The following KIF6 variants were observed in gnomAD, a reference collection of about 807,000 sequenced individuals.
The protein encoded by KIF6 is kinesin-like protein KIF6.
In KIF6, 106 loss-of-function variants were observed where a neutral mutation model predicts 112.7. The ratio of observed to expected loss-of-function variants is 0.94; its 90% CI spans 0.80 to 1.11. The LOEUF is 1.11. Among genes scored for constraint, KIF6 ranks in the 50% least tolerant of loss-of-function variants. The pLI, the probability that KIF6 is intolerant of heterozygous loss-of-function variation, is 0.00. For missense variants in KIF6, 929 were observed against 964.0 expected (o/e 0.96, Z 0.48); for synonymous variants, 339 against 339.9 (o/e 1.00, Z 0.03).
At chr6:39,670,305 G>A (rs1305631182) in intron 3 of KIF6, among the ~76,000 whole-genome samples, 1 of 152,174 alleles carries the variant, frequency 6.6e-6, no homozygotes, top group African/African-American at 2.4e-5. Context: ...ATCCTTGAAT[G>A]ATGCAGTCAA....
chr6:39,609,264 C>A (rs899047838), intron 6 of KIF6, among the ~76,000 whole-genome samples: 2 of 152,142 alleles, frequency 1.3e-5, no homozygotes, highest in African/African-American at 4.8e-5. Context: ...GGAAAGAAAG[C>A]AAGCTGCCCA....
chr6:39,400,767 C>A (rs567307776), intron 15 of KIF6, among the ~76,000 whole-genome samples: 64 of 152,190 alleles, frequency 4.2e-4, no homozygotes, highest in Non-Finnish European at 7.1e-4. Flanking sequence ...TATTTGTAAT[C>A]TTTTCTCTTT....
At chr6:39,498,736 T>C (rs547620187) in intron 13 of KIF6, among the ~76,000 whole-genome samples, 28 of 152,282 alleles carry the variant, frequency 1.8e-4, no homozygotes, top group African/African-American at 6.3e-4. Flanking sequence ...TAAATATTTT[T>C]AAATAAAATT....
rs1384168370 is a variant in KIF6, at chr6:39,481,210, T to G, written c.1646-50049A>C. Among the ~76,000 whole-genome samples, 11 of 152,160 alleles carry G rather than the reference T, an allele frequency of 7.2e-5. 1 individual carries two copies. The highest frequency in any genetic ancestry group is 1.5e-4 in the Non-Finnish European group (10 of 68,016). ...AGGTTGTATAAAGAAGCTCCAGAAG[T>G]ATACACAAGGAAATAATGAATGTGT... On this transcript the variant is annotated intron_variant, in intron 13 of 22. Coordinates refer to ENST00000287152, the MANE Select transcript of KIF6 (RefSeq NM_145027.6).
intron 22 of KIF6, among the ~76,000 whole-genome samples, chr6:39,340,077 C>A (rs1304394465): frequency 1.3e-5 from 2 of 152,210 alleles, no homozygotes; most frequent in African/African-American, 4.8e-5. Flanking sequence ...ATATTAAGTG[C>A]CACATGGTGG....
chr6:39,510,615 C>A (rs7754249), intron 13 of KIF6, among the ~76,000 whole-genome samples: 33,284 of 151,916 alleles, frequency 0.22, 4,366 homozygotes, highest in African/African-American at 0.35. Flanking sequence ...AGATCATCGA[C>A]GCTATGAAGA....
chr6:39,391,198 C>T (rs1017353437), intron 15 of KIF6, among the ~76,000 whole-genome samples: 5 of 152,064 alleles, frequency 3.3e-5, no homozygotes, highest in South Asian at 2.1e-4. Context: ...AGAAGTAGGA[C>T]GGAAATGCAA....
At position 39,591,841 on chromosome 6, in the gene KIF6, G is replaced by C. The variant is rs576532746; in HGVS notation, c.846+4213C>G. ...AAAACCTGACTTTTTGGCCAGGAGC[G>C]GTGGCTCACACCTGTAATCCCAGCA... On this transcript the variant is annotated intron_variant, in intron 7 of 22. Coordinates refer to ENST00000287152, the MANE Select transcript of KIF6 (RefSeq NM_145027.6). 2.0e-5 allele frequency among the ~76,000 whole-genome samples: 3 copies of C among 152,248 alleles called. No individual in the cohort carries two copies. The South Asian group carries it at 6.2e-4, about 32-fold the overall frequency.
chr6:39,374,559 G>A (rs1050961199), intron 16 of KIF6, among the ~76,000 whole-genome samples: 2 of 152,150 alleles, frequency 1.3e-5, no homozygotes, highest in East Asian at 3.9e-4. Flanking sequence ...TAAAAAAATG[G>A]GCAAAGGACC....
At chr6:39,655,697 C>T (rs1360719628) in intron 3 of KIF6, among the ~76,000 whole-genome samples, 1 of 152,092 alleles carries the variant, frequency 6.6e-6, no homozygotes, top group African/African-American at 2.4e-5. Flanking sequence ...ATTTTAAATG[C>T]CACTTATATC....
intron 9 of KIF6, chr6:39,583,304 C>A: frequency 2.3e-6 from 1 of 441,730 alleles, no homozygotes. Context: ...GGGACAGCAA[C>A]AAAATCCACC....
intron 13 of KIF6, among the ~76,000 whole-genome samples, chr6:39,457,096 C>T (rs1258429916): frequency 3.7e-4 from 55 of 147,876 alleles, no homozygotes; most frequent in African/African-American, 1.3e-3. Flanking sequence ...CACACCTATT[C>T]CAAAATTGAC....
At chr6:39,514,426 G>A (rs1776949526) in intron 13 of KIF6, among the ~76,000 whole-genome samples, 1 of 152,180 alleles carries the variant, frequency 6.6e-6, no homozygotes, top group South Asian at 2.1e-4. Context: ...GCAGAAAGGA[G>A]GACATGTGAG....
intron 15 of KIF6, among the ~76,000 whole-genome samples, chr6:39,406,399 T>C (rs1769092711): frequency 6.6e-6 from 1 of 152,246 alleles, no homozygotes; most frequent in Admixed American, 6.5e-5. Flanking sequence ...TATTGATCTT[T>C]TCAAAGAACC....
At chr6:39,721,632 G>A (rs368606387) in intron 1 of KIF6, among the ~76,000 whole-genome samples, 139 of 152,204 alleles carry the variant, frequency 9.1e-4, no homozygotes, top group African/African-American at 2.8e-3. Flanking sequence ...CCAACACTGA[G>A]CTCAATTTAC....
intron 3 of KIF6, among the ~76,000 whole-genome samples, chr6:39,713,019 G>A (rs1051360891): frequency 3.9e-5 from 6 of 152,168 alleles, no homozygotes; most frequent in Non-Finnish European, 7.4e-5. Context: ...GAAGGGTAAC[G>A]GAGGTGCAAT....
chr6:39,461,469 A>G (rs1200966850), intron 13 of KIF6, among the ~76,000 whole-genome samples: 1 of 152,222 alleles, frequency 6.6e-6, no homozygotes, highest in Non-Finnish European at 1.5e-5. Context: ...TAGATTTTCT[A>G]GTAATTTTTA....
At chr6:39,567,085 GT>G (rs912781838) in intron 10 of KIF6, among the ~76,000 whole-genome samples, 1 of 152,118 alleles carries the variant, frequency 6.6e-6, no homozygotes, top group Non-Finnish European at 1.5e-5. Context: ...TTGCTTCTTT[GT>G]TTTCCAGTAG....
chr6:39,549,966 G>C (rs1449998092), intron 10 of KIF6, among the ~76,000 whole-genome samples: 1 of 152,102 alleles, frequency 6.6e-6, no homozygotes, highest in Non-Finnish European at 1.5e-5. Flanking sequence ...AGGCATGAGG[G>C]AAGGGAGAGA....
Sources: gnomAD v4.1 joint callset for allele counts (sites outside exome capture counted in the v4.1 genomes callset) on GRCh38, gnomAD v4.1.1 for gene constraint, MANE v1.5 for transcripts, NCBI Gene and HGNC (gene_info 2026-07-23, HGNC 2026-07-21) for gene names.